ROR2: variants seen among roughly 807,000 people sequenced by gnomAD.
The protein encoded by ROR2 is tyrosine-protein kinase transmembrane receptor ROR2.
A neutral mutation model predicts 74.9 loss-of-function variants in ROR2; 33 were observed. That is an observed-to-expected ratio of 0.44 (90% confidence interval 0.33 to 0.59). The LOEUF is 0.59. Ranked by LOEUF, ROR2 falls within the 20% of genes least tolerant of loss-of-function variation. The pLI is 0.02. For synonymous variants in ROR2, 586 were observed against 558.7 expected (o/e 1.05, Z -0.69); for missense variants, 1,216 against 1,313.8 (o/e 0.93, Z 1.15).
chr9:91,891,422 C>A (rs1413436486), intron 1 of ROR2, among the ~76,000 whole-genome samples: 1 of 152,148 alleles, frequency 6.6e-6, no homozygotes, highest in Non-Finnish European at 1.5e-5. Context: ...GCACCCAACA[C>A]CACTCCCGGC....
At chr9:91,935,551 A>G (rs1388890069) in intron 1 of ROR2, among the ~76,000 whole-genome samples, 6 of 152,152 alleles carry the variant, frequency 3.9e-5, no homozygotes. Flanking sequence ...CCACAATTCC[A>G]GCCGCCATGA....
chr9:91,806,793 GT>G (rs1171828828), intron 1 of ROR2, among the ~76,000 whole-genome samples: 10 of 152,088 alleles, frequency 6.6e-5, no homozygotes, highest in Admixed American at 1.3e-4. Context: ...GTTTCACCGT[GT>G]TAGCCAGGAT....
intron 1 of ROR2, among the ~76,000 whole-genome samples, chr9:91,808,734 G>A (rs80355056): frequency 0.052 from 7,853 of 152,036 alleles, 371 homozygotes; most frequent in East Asian, 0.16. Flanking sequence ...CGAGGAGGGC[G>A]GATCACGAGG....
rs1832126878 is a variant in ROR2, at chr9:91,949,901, G to A, written c.63C>T (p.Ala21=). The A allele has an allele frequency of 4.5e-6, 7 of 1,540,818 alleles. No homozygotes were observed. The highest frequency in any genetic ancestry group is 2.0e-5 in the Admixed American group (1 of 50,746). ...PLLCIPAVWA[A]AALLLSVSRT... is the part of the protein sequence containing the mutation. ...GGGACACTGAGAGCAGAAGCGCGGC[G>A]GCCGCCCAGACGGCCGGGATGCACA... is the stretch of plus-strand genomic sequence containing the variant. The change falls in exon 1 of 9, where the codon GCC becomes GCT. Residue 21 remains alanine (A), a synonymous_variant. Transcript: ENST00000375708.
intron 8 of ROR2, 102 bp downstream of exon 8, chr9:91,726,439 G>A (rs1225484270): frequency 9.2e-7 from 1 of 1,092,256 alleles, no homozygotes; most frequent in Non-Finnish European, 1.4e-6. Flanking sequence ...ATAATTATGT[G>A]CTATGTATCA....
intron 1 of ROR2, among the ~76,000 whole-genome samples, chr9:91,839,985 G>A (rs1057371416): frequency 4.6e-5 from 7 of 152,004 alleles, no homozygotes; most frequent in African/African-American, 1.5e-4. Context: ...CCCCACCTGC[G>A]TTGCCCACAG....
At chr9:91,742,115 A>T (rs1400462225) in intron 4 of ROR2, among the ~76,000 whole-genome samples, 1 of 152,230 alleles carries the variant, frequency 6.6e-6, no homozygotes, top group Non-Finnish European at 1.5e-5. Context: ...CCTCAGAATC[A>T]TGGTGGGAGG....
intron 1 of ROR2, among the ~76,000 whole-genome samples, chr9:91,788,863 A>AC (rs1826883683): frequency 7.5e-6 from 1 of 133,920 alleles, no homozygotes; most frequent in Non-Finnish European, 1.5e-5. Flanking sequence ...TCTGTCTCAA[A>AC]AAAAAAAAAA....
intron 6 of ROR2, among the ~76,000 whole-genome samples, chr9:91,732,682 T>C (rs900897321): frequency 6.6e-6 from 1 of 152,122 alleles, no homozygotes; most frequent in Non-Finnish European, 1.5e-5. Flanking sequence ...TTTCAGGAGG[T>C]TGGGGCAGGA....
At chr9:91,746,867 TG>T (rs1825438337) in intron 4 of ROR2, among the ~76,000 whole-genome samples, 2 of 150,430 alleles carry the variant, frequency 1.3e-5, no homozygotes, top group South Asian at 4.2e-4. Context: ...GGTGTGTGTG[TG>T]TGTGTGTGTG....
At chr9:91,813,380 G>A (rs1827822955) in intron 1 of ROR2, among the ~76,000 whole-genome samples, 1 of 152,128 alleles carries the variant, frequency 6.6e-6, no homozygotes, top group African/African-American at 2.4e-5. Flanking sequence ...GTAATGGAGG[G>A]CTCATTATTT....
At chr9:91,912,990 G>A (rs979862224) in intron 1 of ROR2, among the ~76,000 whole-genome samples, 26 of 152,158 alleles carry the variant, frequency 1.7e-4, no homozygotes, top group Admixed American at 3.9e-4. Flanking sequence ...GTAGCTGGGC[G>A]TGGTGGCACA....
chr9:91,887,314 C>G (rs1211209987), intron 1 of ROR2: 1 of 152,192 alleles, frequency 6.6e-6, no homozygotes, highest in Non-Finnish European at 1.5e-5. Flanking sequence ...TCTCGAGCCC[C>G]CCTCCAATGG....
chr9:91,824,925 G>T (rs986068770), intron 1 of ROR2, among the ~76,000 whole-genome samples: 1 of 152,192 alleles, frequency 6.6e-6, no homozygotes, highest in African/African-American at 2.4e-5. Context: ...GAACAGCGCT[G>T]CCCACAGGGC....
intron 1 of ROR2, among the ~76,000 whole-genome samples, chr9:91,833,776 T>C (rs1828538141): frequency 6.6e-6 from 1 of 151,952 alleles, no homozygotes. Context: ...GCATCCCCTC[T>C]GCCCCACGCA....
At chr9:91,819,431 C>G (rs1232677848) in intron 1 of ROR2, among the ~76,000 whole-genome samples, 1 of 151,986 alleles carries the variant, frequency 6.6e-6, no homozygotes, top group East Asian at 1.9e-4. Flanking sequence ...CTGTTAGTCT[C>G]TGTGTGTGTT....
At chr9:91,837,433 A>G (rs1274444458) in intron 1 of ROR2, among the ~76,000 whole-genome samples, 1 of 152,202 alleles carries the variant, frequency 6.6e-6, no homozygotes, top group Non-Finnish European at 1.5e-5. Context: ...ACTATAAAAA[A>G]CCAAAACTTG....
At chr9:91,838,295 C>T (rs529036119) in intron 1 of ROR2, among the ~76,000 whole-genome samples, 1 of 152,322 alleles carries the variant, frequency 6.6e-6, no homozygotes, top group African/African-American at 2.4e-5. Context: ...AAGTGAGCCA[C>T]TCAGACTATG....
intron 1 of ROR2, among the ~76,000 whole-genome samples, chr9:91,786,474 G>A (rs1826808038): frequency 6.6e-6 from 1 of 152,088 alleles, no homozygotes; most frequent in Non-Finnish European, 1.5e-5. Context: ...AATATGAGGT[G>A]AAAATTGTCT....
Sources: allele counts gnomAD v4.1 joint callset (sites outside exome capture counted in the v4.1 genomes callset), GRCh38; gene constraint gnomAD v4.1.1; transcripts MANE v1.5; gene names NCBI Gene and HGNC (gene_info 2026-07-23, HGNC 2026-07-21).